The following ARID4B variants were observed in gnomAD, a reference collection of about 807,000 sequenced individuals.
The protein encoded by ARID4B is AT-rich interaction domain 4B.
In ARID4B, 26 loss-of-function variants were observed where a neutral mutation model predicts 147.5. The observed-to-expected ratio is 0.18, with a 90% CI of 0.13 to 0.24. The LOEUF is 0.24. Ranked by LOEUF, ARID4B falls within the 10% of genes least tolerant of loss-of-function variation. The probability of loss-of-function intolerance (pLI) is 1.00; values close to 1 mark genes in which losing one functional copy is unlikely to be tolerated. For synonymous variants in ARID4B, 512 were observed against 507.9 expected (o/e 1.01, Z -0.11); for missense variants, 1,179 against 1,511.5 (o/e 0.78, Z 3.65).
Position 235,199,927 on chromosome 1 carries a change from G to A in ARID4B, c.1842-3812C>T, listed in dbSNP as rs548355710. ...TTTAAAAATAAGAAATGTTCCTTCC[G>A]TATATGTAATTACCCATTACAATAC... is the stretch of plus-strand genomic sequence containing the variant. On this transcript the variant is annotated intron_variant, in intron 17 of 23. Coordinates refer to ENST00000264183, the MANE Select transcript of ARID4B (RefSeq NM_016374.6). Among the ~76,000 whole-genome samples the A allele has an allele frequency of 2.6e-4, 39 of 149,242 alleles. No homozygotes were observed. In the East Asian group the frequency reaches 3.6e-3, roughly 14 times the overall value.
intron 5 of ARID4B, among the ~76,000 whole-genome samples, chr1:235,254,787 A>G (rs1448402533): frequency 6.6e-6 from 1 of 152,050 alleles, no homozygotes; most frequent in African/African-American, 2.4e-5. Flanking sequence ...AAACGGAGAA[A>G]ACACAAATGA....
At chr1:235,189,268 C>T (rs1664906398) in intron 19 of ARID4B, among the ~76,000 whole-genome samples, 1 of 151,516 alleles carries the variant, frequency 6.6e-6, no homozygotes, top group African/African-American at 2.4e-5. Context: ...GGTGCGGTGG[C>T]AGGCGCCTGT....
intron 6 of ARID4B, among the ~76,000 whole-genome samples, chr1:235,251,943 G>A (rs1169906504): frequency 6.6e-6 from 1 of 152,156 alleles, no homozygotes; most frequent in Non-Finnish European, 1.5e-5. Flanking sequence ...GAAAGTGCTG[G>A]TTAGAAAACC....
chr1:235,171,181 C>T (rs532760826), intron 23 of ARID4B, among the ~76,000 whole-genome samples: 1 of 152,116 alleles, frequency 6.6e-6, no homozygotes, highest in Non-Finnish European at 1.5e-5. Context: ...CCTGTAATCC[C>T]AGCACTTTGG....
At position 235,168,356 on chromosome 1, in the gene ARID4B, A is replaced by T; in HGVS notation, c.*169T>A. 1.5e-6 allele frequency: 1 copy of T among 649,926 alleles called. No individual in the cohort carries two copies. The highest frequency in any genetic ancestry group is 2.5e-6 in the Non-Finnish European group (1 of 408,134). 40.3% of individuals were successfully genotyped at this position (649,926 alleles called of 1,614,324 possible). A position where few individuals can be genotyped will look rare whatever the true frequency, so the allele number is the denominator to read the frequency against. ...TGCTTGAGGAAAAGCAGTTCATTGT[A>T]CTTTTTCTTCATAAAAAAGTGCACT... On this transcript the variant is annotated 3_prime_UTR_variant, in exon 24 of 24. Transcript: ENST00000264183.
In ARID4B at chr1:235,249,562, A is replaced by G. The variant is rs532918475; in HGVS notation, c.355-3051T>C. On this transcript the variant is annotated intron_variant, in intron 6 of 23. Coordinates refer to ENST00000264183, the MANE Select transcript of ARID4B (RefSeq NM_016374.6). ...TGTAATCTCAGCACTTTGGGAGGCC[A>G]AGGCAGGCAGATCATGAGGTCAGGA... is the stretch of plus-strand genomic sequence containing the variant. Among the ~76,000 whole-genome samples the G allele has an allele frequency of 1.3e-3, 192 of 150,034 alleles. 1 individual carries two copies. Among genetic ancestry groups the G allele is most frequent in the African/African-American group, 4.6e-3 (188 of 40,772 alleles).
rs193215194 is a variant in ARID4B at position 235,301,069 on chromosome 1, A to T, written c.6+25845T>A. On this transcript the variant is annotated intron_variant, in intron 2 of 23. Coordinates refer to ENST00000264183, the MANE Select transcript of ARID4B (RefSeq NM_016374.6). ...TTTTTTTTTTTTTTTTTTTTAGTAT[A>T]CAGACAGGGTCTCACTATGTTTCCC... 8.0e-5 allele frequency among the ~76,000 whole-genome samples: 10 copies of T among 124,476 alleles called. No individual in the cohort carries two copies. In the East Asian group the frequency reaches 1.6e-3, roughly 19 times the overall value. 81.7% of individuals were successfully genotyped at this position (124,476 alleles called of 152,430 possible).
chr1:235,182,282 G>A lies in ARID4B; in HGVS notation c.2637C>T (p.Tyr879=). Residue 879 remains tyrosine, a synonymous_variant, in exon 20 of 24, where the codon TAC becomes TAT. Coordinates refer to ENST00000264183, the MANE Select transcript of ARID4B (RefSeq NM_016374.6). ...TKAKMTPTKK[Y]NGLEEKRKSL... ...ATTTTCTTTTTTCCTCCAAACCATTGTATTTCTTAGTTGGTGTCATCTTTG... is the reference window on the plus strand; with the variant it reads ...ATTTTCTTTTTTCCTCCAAACCATTATATTTCTTAGTTGGTGTCATCTTTG... 6.2e-7 allele frequency: 1 copy of A among 1,613,678 alleles called. No homozygotes were observed. The highest frequency in any genetic ancestry group is 8.5e-7 in the Non-Finnish European group (1 of 1,179,920).
intron 2 of ARID4B, among the ~76,000 whole-genome samples, chr1:235,295,684 C>A (rs1421707078): frequency 6.6e-6 from 1 of 151,706 alleles, no homozygotes; most frequent in Non-Finnish European, 1.5e-5. Context: ...GTGGAGGGTG[C>A]CTATAATCCC....
chr1:235,288,608 T>C (rs1672134284), intron 2 of ARID4B, among the ~76,000 whole-genome samples: 1 of 152,228 alleles, frequency 6.6e-6, no homozygotes, highest in Non-Finnish European at 1.5e-5. Context: ...CCATGGTTAT[T>C]TAGCTTGTCC....
chr1:235,275,998 G>A (rs761962713), intron 2 of ARID4B, among the ~76,000 whole-genome samples: 36 of 152,070 alleles, frequency 2.4e-4, no homozygotes, highest in Non-Finnish European at 4.0e-4. Flanking sequence ...TTAGCCAGGC[G>A]TGGTAGCACA....
chr1:235,314,478 G>GGACT lies in ARID4B; in HGVS notation c.6+12432_6+12435dup, dbSNP rs1271086023. Among the ~76,000 whole-genome samples, 5 of 152,182 alleles carry GGACT rather than the reference G, an allele frequency of 3.3e-5. No individual in the cohort carries two copies. In the South Asian group the frequency reaches 1.0e-3, roughly 32 times the overall value. ...AGCAGCCAAGTAAAGGACATAAAAA[G>GGACT]GACTGGAAATAAGACCACTGACTTT... is the stretch of plus-strand genomic sequence containing the variant. On this transcript the variant is annotated intron_variant, in intron 2 of 23. Coordinates refer to ENST00000264183, the MANE Select transcript of ARID4B (RefSeq NM_016374.6).
intron 2 of ARID4B, among the ~76,000 whole-genome samples, chr1:235,302,153 GAAAAAAAAAA>G (rs749154889): frequency 2.0e-4 from 6 of 30,656 alleles, no homozygotes; most frequent in South Asian, 6.1e-3. Flanking sequence ...TCAAAAAACG[GAAAAAAAAAA>G]AAAAAAAAAA....
At position 235,242,244 on chromosome 1, in the gene ARID4B, T is replaced by C. The variant is rs1669033944; in HGVS notation, c.447-1793A>G. Among the ~76,000 whole-genome samples, 3 of 113,664 alleles carry C rather than the reference T, an allele frequency of 2.6e-5. No individual in the cohort carries two copies. The Admixed American group carries it at 2.8e-4, about 11-fold the overall frequency. The allele number at this position is 113,664 out of a possible 152,430, so 74.6% of individuals were successfully genotyped here. On this transcript the variant is annotated intron_variant, in intron 7 of 23. Coordinates refer to ENST00000264183, the MANE Select transcript of ARID4B (RefSeq NM_016374.6). Reference sequence around the variant, plus strand: ...GCCTGGGCGACAGAGTGAGACTCCGTCTCAAAAAAAAAAAAAAAGATGTAT... The same window carrying C: ...GCCTGGGCGACAGAGTGAGACTCCGCCTCAAAAAAAAAAAAAAAGATGTAT...
intron 11 of ARID4B, among the ~76,000 whole-genome samples, chr1:235,225,539 T>TA (rs1042348622): frequency 6.6e-6 from 1 of 152,082 alleles, no homozygotes; most frequent in African/African-American, 2.4e-5. Flanking sequence ...TGAGCACCTG[T>TA]AAGTGTAGGT....
At chr1:235,201,209 T>C (rs555148459) in intron 17 of ARID4B, among the ~76,000 whole-genome samples, 61 of 150,924 alleles carry the variant, frequency 4.0e-4, no homozygotes, top group African/African-American at 1.5e-3. Flanking sequence ...TGGCAAAGAG[T>C]GAAACTGCAG....
At chr1:235,223,340 T>G (rs1174635993) in intron 12 of ARID4B, 80 bp from the exon 13 acceptor site, 2 of 512,878 alleles carry the variant, frequency 3.9e-6, no homozygotes, top group African/African-American at 4.2e-5. Context: ...ATAATACAAG[T>G]ATTTATAGTA....
At position 235,286,411 on chromosome 1, in the gene ARID4B, CTT is replaced by C. The variant is rs534361831; in HGVS notation, c.7-25661_7-25660del. ...CCAGAGACTTGATTTAAAACTCAGT[CTT>C]TGTTTTCATGGAGTGTAGTGGAGGA... On this transcript the variant is annotated intron_variant, in intron 2 of 23. Transcript: ENST00000264183. Among the ~76,000 whole-genome samples the C allele has an allele frequency of 5.9e-5, 9 of 152,282 alleles. No homozygotes were observed. In the South Asian group the frequency reaches 1.9e-3, roughly 32 times the overall value.
At chr1:235,265,150 G>A (rs1670524344) in intron 2 of ARID4B, among the ~76,000 whole-genome samples, 1 of 150,574 alleles carries the variant, frequency 6.6e-6, no homozygotes, top group East Asian at 1.9e-4. Context: ...TGGATCACGA[G>A]GTCAGGCATT....
Sources: allele counts gnomAD v4.1 joint callset (sites outside exome capture counted in the v4.1 genomes callset), GRCh38; gene constraint gnomAD v4.1.1; transcripts MANE v1.5; gene names NCBI Gene and HGNC (gene_info 2026-07-23, HGNC 2026-07-21).